Variants in SH2B2 observed in about 807,000 individuals in gnomAD.
SH2B2 encodes SH2B adaptor protein 2.
Under a neutral mutation model 35.7 loss-of-function variants are expected in SH2B2, and 37 were observed. That is an observed-to-expected ratio of 1.04 (90% CI 0.80 to 1.36). The LOEUF (loss-of-function observed/expected upper bound fraction) is 1.36. Among genes scored for constraint, SH2B2 ranks in the 40% most tolerant of loss-of-function variants. The pLI, the probability that SH2B2 is intolerant of heterozygous loss-of-function variation, is 0.00. For synonymous variants in SH2B2, 383 were observed against 376.4 expected (o/e 1.02, Z -0.20); for missense variants, 852 against 817.7 (o/e 1.04, Z -0.51).
chr7:102,307,759 A>AT (rs1428120164), intron 3 of SH2B2, among the ~76,000 whole-genome samples: 1 of 144,420 alleles, frequency 6.9e-6, no homozygotes, highest in Non-Finnish European at 1.5e-5. Flanking sequence ...CAACAACTAC[A>AT]TTTTTTTTGT....
chr7:102,316,720 T>C (rs939611450), intron 6 of SH2B2, among the ~76,000 whole-genome samples: 1 of 151,262 alleles, frequency 6.6e-6, no homozygotes, highest in East Asian at 2.0e-4. Flanking sequence ...ACTCCATCTC[T>C]AAAAAATAAA....
At chr7:102,314,233 G>T (rs1251827147) in intron 4 of SH2B2, 103 bp from the exon 5 acceptor site, 2 of 398,040 alleles carry the variant, frequency 5.0e-6, no homozygotes, top group Non-Finnish European at 8.8e-6. Flanking sequence ...AGGCCTAGAT[G>T]CTGGGCCATG....
In SH2B2 at chr7:102,320,370, G is replaced by A. The variant is rs367608965; in HGVS notation, c.1435G>A (p.Val479Ile). The change falls in exon 8 of 9, where the codon GTA (valine) becomes ATA (isoleucine). Residue 479 changes from valine to isoleucine, a missense_variant. Physicochemically the swap from Val to Ile is conservative, Grantham distance 29. Around this residue, in one of 3 missense-constraint regions of SH2B2, gnomAD observed 556 missense variants for 514.5 expected, o/e 1.08. Transcript: ENST00000444095. ...LSLNGHGQCH[V>I]QHLWFQSVLD... ...CCTGAACGGCCACGGCCAGTGTCAC[G>A]TACAGCATCTGTGGTTCCAGTCTGT... 61 of 1,613,004 alleles carry A rather than the reference G, an allele frequency of 3.8e-5. No homozygotes were observed. The highest frequency in any genetic ancestry group is 2.5e-4 in the African/African-American group (19 of 74,880).
Position 102,321,354 on chromosome 7 carries a change from G to T in SH2B2, c.1623G>T (p.Ser541=), listed in dbSNP as rs782286741. Reference sequence around the variant, plus strand: ...CGTCCCCGGCCTGCTGGAGCGACTCGCCCGGCCAGCACTACTTCTCCAGCC... The same window carrying T: ...CGTCCCCGGCCTGCTGGAGCGACTCTCCCGGCCAGCACTACTTCTCCAGCC... The part of the protein sequence containing the change: ...APASPACWSD[S]PGQHYFSSLA... Residue 541 remains serine (S), a synonymous_variant, in exon 9 of 9, where the codon TCG becomes TCT. Transcript: ENST00000444095. 2 of 1,440,054 alleles carry T rather than the reference G, an allele frequency of 1.4e-6. No individual in the cohort carries two copies. The highest frequency in any genetic ancestry group is 1.3e-5 in the South Asian group (1 of 74,126). The allele number at this position is 1,440,054 out of a possible 1,614,324, so 89.2% of individuals were successfully genotyped here. A position where few individuals can be genotyped will look rare whatever the true frequency, so the allele number is the denominator to read the frequency against.
At chr7:102,317,452 C>T in intron 7 of SH2B2, 57 bp downstream of exon 7, 2 of 1,430,776 alleles carry the variant, frequency 1.4e-6, no homozygotes, top group South Asian at 1.4e-5. Flanking sequence ...GGAGAGGGGT[C>T]ATGGTGACCC....
intron 1 of SH2B2, 114 bp from the exon 2 acceptor site, chr7:102,300,408 A>G: frequency 8.1e-7 from 1 of 1,232,716 alleles, no homozygotes; most frequent in South Asian, 1.6e-5. Context: ...ACACGTGTGC[A>G]TGTACACACA....
Position 102,297,405 on chromosome 7 carries a change from A to ACT in SH2B2, c.-29-3116_-29-3115insTC, listed in dbSNP as rs1292033324. ...TGAGATCCCATCTCTACACACACAC[A>ACT]CACACACACACACACACACACACAC... On this transcript the variant is annotated intron_variant, in intron 1 of 8. Transcript: ENST00000444095. The surrounding 1 kb of genome is among the most constrained non-coding windows in gnomAD (Gnocchi z 4.3). Among the ~76,000 whole-genome samples the ACT allele has an allele frequency of 4.6e-5, 7 of 151,216 alleles. No individual in the cohort carries two copies. Among genetic ancestry groups the ACT allele is most frequent in the Non-Finnish European group, 8.8e-5 (6 of 67,840 alleles).
chr7:102,305,804 A>G (rs576810173), intron 2 of SH2B2, among the ~76,000 whole-genome samples: 53 of 150,860 alleles, frequency 3.5e-4, no homozygotes, highest in Non-Finnish European at 6.5e-4. Flanking sequence ...TTTTCTCCTC[A>G]GGGCTTGGAG....
chr7:102,301,324 G>A lies in SH2B2; in HGVS notation c.729+45G>A, dbSNP rs782781070. On this transcript the variant is annotated intron_variant, in intron 2 of 8. Coordinates refer to ENST00000444095, the MANE Select transcript of SH2B2 (RefSeq NM_001359228.2). ...CACCTAGCCTGGGGGGACCAGAGGAGGCACCTGGGCAGCAGCTGAGGGTGC... is the reference window on the plus strand; with the variant it reads ...CACCTAGCCTGGGGGGACCAGAGGAAGCACCTGGGCAGCAGCTGAGGGTGC... 6 of 1,552,854 alleles carry A rather than the reference G, an allele frequency of 3.9e-6. No individual in the cohort carries two copies. The South Asian group carries it at 7.1e-5, about 18-fold the overall frequency.
chr7:102,306,672 G>C (rs552893744), intron 2 of SH2B2, 49 bp from the exon 3 acceptor site: 1 of 1,364,178 alleles, frequency 7.3e-7, no homozygotes, highest in Non-Finnish European at 1.0e-6. Flanking sequence ...GGATGGAAAG[G>C]GTGTCGGGAA....
intron 2 of SH2B2, among the ~76,000 whole-genome samples, chr7:102,301,641 G>A (rs993415784): frequency 9.2e-5 from 14 of 151,510 alleles, no homozygotes; most frequent in Non-Finnish European, 1.2e-4. Flanking sequence ...GTACGATCTC[G>A]GCTCACTGCA....
In SH2B2 at chr7:102,321,485, C is replaced by CAG; in HGVS notation, c.1754_1755insAG (p.Val586AlafsTer63). ...GCGTCGGGGCCCGCCCCCCCGCGCC[C>CAG]CGTCGAGGGCCAGCTCAGCGCGCGG... On this transcript the variant is annotated frameshift_variant, in exon 9 of 9. Transcript: ENST00000444095. LOFTEE classifies it low-confidence loss of function (END_TRUNC). The CAG allele has an allele frequency of 8.5e-7, 1 of 1,175,354 alleles. No individual in the cohort carries two copies. Among genetic ancestry groups the CAG allele is most frequent in the Non-Finnish European group, 1.1e-6 (1 of 950,150 alleles). 72.8% of individuals were successfully genotyped at this position (1,175,354 alleles called of 1,614,324 possible).
intron 6 of SH2B2, among the ~76,000 whole-genome samples, chr7:102,316,767 G>A (rs1178186819): frequency 6.6e-5 from 10 of 151,604 alleles, no homozygotes; most frequent in African/African-American, 2.2e-4. Context: ...ACCTATAATC[G>A]CAGCACTTTG....
At chr7:102,308,733 T>A in intron 3 of SH2B2, 82 bp from the exon 4 acceptor site, 1 of 1,016,774 alleles carries the variant, frequency 9.8e-7, no homozygotes, top group South Asian at 1.3e-5. Context: ...ATCAGCCATT[T>A]GAGCCACTCT....
intron 1 of SH2B2, among the ~76,000 whole-genome samples, chr7:102,298,303 A>T (rs782271220): frequency 6.6e-6 from 1 of 152,108 alleles, no homozygotes; most frequent in African/African-American, 2.4e-5. Flanking sequence ...AGTCTCTATC[A>T]CCAAGTGAAG....
chr7:102,308,540 G>C (rs1793489751), intron 3 of SH2B2, among the ~76,000 whole-genome samples: 1 of 152,164 alleles, frequency 6.6e-6, no homozygotes, highest in Non-Finnish European at 1.5e-5. Context: ...CTCAGAGGCT[G>C]TGTCTCTAAG....
At chr7:102,289,696 G>A (rs1554551425) in intron 1 of SH2B2, among the ~76,000 whole-genome samples, 4 of 152,122 alleles carry the variant, frequency 2.6e-5, no homozygotes. Flanking sequence ...AAGGCAGCTG[G>A]GTGGGATGAG....
In SH2B2 at chr7:102,299,197, C is replaced by CTTTTTTTTTTTTTTTTTTT. The variant is rs71123035; in HGVS notation, c.-29-1324_-29-1306dup. On this transcript the variant is annotated intron_variant, in intron 1 of 8. Coordinates refer to ENST00000444095, the MANE Select transcript of SH2B2 (RefSeq NM_001359228.2). ...TACAGGCATGAGCCACCGCGCCTGG[C>CTTTTTTTTTTTTTTTTTTT]TTTTTTTTTTTTTTTTTTTGAGGTG... Among the ~76,000 whole-genome samples the CTTTTTTTTTTTTTTTTTTT allele has an allele frequency of 2.2e-3, 54 of 24,630 alleles. 18 individuals carry two copies. Among genetic ancestry groups the CTTTTTTTTTTTTTTTTTTT allele is most frequent in the Admixed American group, 7.8e-3 (12 of 1,536 alleles). 16.2% of individuals were successfully genotyped at this position (24,630 alleles called of 152,430 possible).
intron 1 of SH2B2, 111 bp from the exon 2 acceptor site, chr7:102,300,411 T>TAC: frequency 5.3e-6 from 7 of 1,316,912 alleles, no homozygotes; most frequent in Non-Finnish European, 7.0e-6. Flanking sequence ...CGTGTGCATG[T>TAC]ACACACACAC....
Sources: gnomAD v4.1 joint callset for allele counts (sites outside exome capture counted in the v4.1 genomes callset) on GRCh38, gnomAD v4.1.1 for gene constraint, gnomAD v4.1.1 regional missense constraint, Gnocchi (gnomAD v3.1) non-coding constraint, MANE v1.5 for transcripts, NCBI Gene and HGNC (gene_info 2026-07-23, HGNC 2026-07-21) for gene names.